GLRA3: variants seen among roughly 807,000 people sequenced by gnomAD.
The protein encoded by GLRA3 is glycine receptor alpha 3, also known as glycine receptor subunit alpha-3.
GLRA3 carries 44 observed loss-of-function variants against 60.4 expected under a neutral mutation model. The ratio of observed to expected loss-of-function variants is 0.73; its 90% CI spans 0.57 to 0.94. GLRA3 has a LOEUF of 0.94. GLRA3 is among the 40% of genes least tolerant of loss of function. GLRA3 has a pLI of 0.00. For missense variants in GLRA3, 508 were observed against 564.6 expected (o/e 0.90, Z 1.02); for synonymous variants, 223 against 192.9 (o/e 1.16, Z -1.29).
chr4:174,650,170 G>C (rs988239237), intron 9 of GLRA3, among the ~76,000 whole-genome samples: 1 of 151,994 alleles, frequency 6.6e-6, no homozygotes, highest in African/African-American at 2.4e-5. Flanking sequence ...AAACATTAAG[G>C]GACAAACTGC....
chr4:174,645,420 CAAAA>C (rs201216075), intron 9 of GLRA3, among the ~76,000 whole-genome samples: 1 of 76,128 alleles, frequency 1.3e-5, no homozygotes, highest in Non-Finnish European at 3.0e-5. Context: ...ACTCCGTCTC[CAAAA>C]AAAAAAAAAA....
At chr4:174,809,896 A>T (rs1740194554) in intron 1 of GLRA3, among the ~76,000 whole-genome samples, 1 of 152,120 alleles carries the variant, frequency 6.6e-6, no homozygotes, top group Admixed American at 6.6e-5. Flanking sequence ...AAATAATTCA[A>T]AGTAAAGGAT....
chr4:174,741,096 C>T (rs147877197), intron 3 of GLRA3, among the ~76,000 whole-genome samples: 4 of 152,052 alleles, frequency 2.6e-5, no homozygotes, highest in Admixed American at 6.6e-5. Context: ...TAAATATCTA[C>T]GAGTGAGATT....
chr4:174,655,449 CCATAAGATAAGCCTGTTTTTT>C (rs1733161073), intron 9 of GLRA3, among the ~76,000 whole-genome samples: 1 of 151,832 alleles, frequency 6.6e-6, no homozygotes, highest in Non-Finnish European at 1.5e-5. Flanking sequence ...TATTGACTTC[CCATAAGATAAGCCTGTTTTTT>C]CATTAGAGTT....
chr4:174,698,891 C>T (rs1371630429), intron 5 of GLRA3, among the ~76,000 whole-genome samples: 1 of 151,956 alleles, frequency 6.6e-6, no homozygotes, highest in Non-Finnish European at 1.5e-5. Flanking sequence ...CTGATGCAAG[C>T]TATTCTGGAC....
chr4:174,732,037 T>G (rs1307537770), intron 3 of GLRA3, among the ~76,000 whole-genome samples: 1 of 152,220 alleles, frequency 6.6e-6, no homozygotes, highest in East Asian at 1.9e-4. Flanking sequence ...TGATCCTTTA[T>G]ACATCGCCGC....
At chr4:174,706,725 G>A (rs1735534915) in intron 5 of GLRA3, among the ~76,000 whole-genome samples, 2 of 152,230 alleles carry the variant, frequency 1.3e-5, no homozygotes, top group Non-Finnish European at 2.9e-5. Context: ...GCATGAAGAT[G>A]TTTGCAGATG....
intron 7 of GLRA3, among the ~76,000 whole-genome samples, chr4:174,674,453 T>C (rs1475526115): frequency 6.6e-6 from 1 of 152,164 alleles, no homozygotes; most frequent in Non-Finnish European, 1.5e-5. Flanking sequence ...GACTACATGC[T>C]TGAGTTATCA....
At chr4:174,743,239 C>T (rs963905677) in intron 3 of GLRA3, among the ~76,000 whole-genome samples, 2 of 151,970 alleles carry the variant, frequency 1.3e-5, no homozygotes, top group East Asian at 1.9e-4. Flanking sequence ...TTGAATTTCA[C>T]GAGATTATGA....
Position 174,638,769 on chromosome 4 carries a change from A to C in GLRA3, c.*5017T>G, listed in dbSNP as rs1732560753. On this transcript the variant is annotated 3_prime_UTR_variant, in exon 10 of 10. Coordinates refer to ENST00000274093, the MANE Select transcript of GLRA3 (RefSeq NM_006529.4). ...TTTTTTCAATCATCCAGAATTTCAG[A>C]TCTTATTCCAAAAATACTAAATTTA... 6.6e-6 allele frequency: 1 copy of C among 152,198 alleles called. No homozygotes were observed. The highest frequency in any genetic ancestry group is 2.4e-5 in the African/African-American group (1 of 41,456). 9.4% of individuals were successfully genotyped at this position (152,198 alleles called of 1,614,324 possible).
At chr4:174,817,380 T>C (rs889376147) in intron 1 of GLRA3, among the ~76,000 whole-genome samples, 7 of 152,176 alleles carry the variant, frequency 4.6e-5, no homozygotes, top group African/African-American at 9.6e-5. Flanking sequence ...ACTTGCATAG[T>C]TTTTCTTTTC....
intron 3 of GLRA3, among the ~76,000 whole-genome samples, chr4:174,738,900 T>G (rs1736901501): frequency 6.6e-6 from 1 of 152,188 alleles, no homozygotes; most frequent in Admixed American, 6.5e-5. Context: ...AGTGACACCA[T>G]CTCATAGGCA....
At chr4:174,731,582 T>C (rs13145541) in intron 3 of GLRA3, among the ~76,000 whole-genome samples, 52,813 of 152,002 alleles carry the variant, frequency 0.35, 10,125 homozygotes, top group Admixed American at 0.42. Context: ...TTTAGCAGAG[T>C]ATGTGGCCTT....
At chr4:174,745,148 T>G (rs1737193324) in intron 3 of GLRA3, among the ~76,000 whole-genome samples, 1 of 152,196 alleles carries the variant, frequency 6.6e-6, no homozygotes, top group Non-Finnish European at 1.5e-5. Context: ...ATATGTGGGA[T>G]AGCATAAAGC....
intron 9 of GLRA3, 30 bp from the exon 10 acceptor site, chr4:174,644,094 T>G: frequency 7.4e-7 from 1 of 1,355,116 alleles, no homozygotes; most frequent in Non-Finnish European, 1.0e-6. Flanking sequence ...CAAGGCCCTT[T>G]AATAATACAA....
chr4:174,637,283 G>A lies in GLRA3; in HGVS notation c.*6503C>T, dbSNP rs1732518427. 1 of 152,056 alleles carries A rather than the reference G, an allele frequency of 6.6e-6. No homozygotes were observed. Among genetic ancestry groups the A allele is most frequent in the African/African-American group, 2.4e-5 (1 of 41,396 alleles). The allele number at this position is 152,056 out of a possible 1,614,324, so 9.4% of individuals were successfully genotyped here. ...ATGAAGTCACTGTATATCATATAAA[G>A]ATGGTACATGGAAAATATATGGCAC... is the stretch of plus-strand genomic sequence containing the variant. On this transcript the variant is annotated 3_prime_UTR_variant, in exon 10 of 10. Coordinates refer to ENST00000274093, the MANE Select transcript of GLRA3 (RefSeq NM_006529.4).
chr4:174,692,930 G>A (rs1203489198), intron 5 of GLRA3, among the ~76,000 whole-genome samples: 2 of 145,382 alleles, frequency 1.4e-5, no homozygotes, highest in African/African-American at 5.1e-5. Context: ...ACCCAAAAAT[G>A]ATCAATAAAA....
intron 5 of GLRA3, among the ~76,000 whole-genome samples, chr4:174,693,807 A>G (rs1397396089): frequency 1.3e-5 from 2 of 152,182 alleles, no homozygotes; most frequent in Admixed American, 6.5e-5. Context: ...CTGGATTTAA[A>G]AAAAAGACCT....
rs559982245 is a variant in GLRA3 at position 174,702,658 on chromosome 4, C to T, written c.574+12830G>A. Among the ~76,000 whole-genome samples the T allele has an allele frequency of 2.6e-5, 4 of 152,222 alleles. No individual in the cohort carries two copies. The South Asian group carries it at 8.3e-4, about 32-fold the overall frequency. On this transcript the variant is annotated intron_variant, in intron 5 of 9. Transcript: ENST00000274093. ...TCATAGCTCACTGCAACCTTGAAGT[C>T]CTGGGCTCAAGTGGTCCTTTCACCT... is the stretch of plus-strand genomic sequence containing the variant.
Sources: allele counts gnomAD v4.1 joint callset (sites outside exome capture counted in the v4.1 genomes callset), GRCh38; gene constraint gnomAD v4.1.1; transcripts MANE v1.5; gene names NCBI Gene and HGNC (gene_info 2026-07-23, HGNC 2026-07-21).